PLEKHH2: variants seen among roughly 807,000 people sequenced by gnomAD.
PLEKHH2 encodes pleckstrin homology, MyTH4 and FERM domain containing H2.
A neutral mutation model predicts 187.9 loss-of-function variants in PLEKHH2; 129 were observed. That is an observed-to-expected ratio of 0.69 (90% CI 0.59 to 0.79). PLEKHH2 has a LOEUF of 0.79. Among genes scored for constraint, PLEKHH2 ranks in the 30% least tolerant of loss-of-function variants. The pLI, the probability that PLEKHH2 is intolerant of heterozygous loss-of-function variation, is 0.00. For synonymous variants in PLEKHH2, 686 were observed against 605.6 expected (o/e 1.13, Z -1.95); for missense variants, 2,076 against 1,751.2 (o/e 1.19, Z -3.31).
intron 1 of PLEKHH2, among the ~76,000 whole-genome samples, chr2:43,639,098 G>A (rs1435859013): frequency 6.6e-6 from 1 of 152,050 alleles, no homozygotes; most frequent in Non-Finnish European, 1.5e-5. Flanking sequence ...TTCATATTTG[G>A]GGTTAACAGT....
chr2:43,739,709 C>G (rs1452488415), intron 20 of PLEKHH2, among the ~76,000 whole-genome samples: 1 of 152,242 alleles, frequency 6.6e-6, no homozygotes, highest in Non-Finnish European at 1.5e-5. Flanking sequence ...CCCGCTCTTT[C>G]TCCACTTCCT....
chr2:43,710,084 G>T lies in PLEKHH2; in HGVS notation c.2061G>T (p.Lys687Asn). ...CGGAGTACTCACAGCCAGAGCAGAA[G>T]CTCCCAAAAACTTGCTCATCTTCCA... ...TDTEYSQPEQKLPKTCSSSSD... is the reference protein window; with the variant it reads ...TDTEYSQPEQNLPKTCSSSSD... Residue 687 changes from lysine to asparagine, a missense_variant, in exon 12 of 30, where the codon AAG (lysine) becomes AAT (asparagine). Transcript: ENST00000282406. 6.2e-7 allele frequency: 1 copy of T among 1,613,370 alleles called. No individual in the cohort carries two copies. Among genetic ancestry groups the T allele is most frequent in the Non-Finnish European group, 8.5e-7 (1 of 1,179,762 alleles).
At position 43,712,305 on chromosome 2, in the gene PLEKHH2, T is replaced by C. The variant is rs1411225239; in HGVS notation, c.2382T>C (p.Asn794=). 1 of 1,613,886 alleles carries C rather than the reference T, an allele frequency of 6.2e-7. No individual in the cohort carries two copies. The highest frequency in any genetic ancestry group is 1.7e-5 in the Admixed American group (1 of 60,016). Residue 794 remains asparagine, a synonymous_variant, in exon 15 of 30, where the codon AAT becomes AAC. Transcript: ENST00000282406. ...ILEEWIKVLQ[N]VLRVQAANPL... is the part of the protein sequence containing the mutation. ...AAGAGTGGATTAAAGTGTTACAGAA[T>C]GTTCTTCGAGTACAAGCTGCCAACC...
intron 8 of PLEKHH2, among the ~76,000 whole-genome samples, chr2:43,702,548 T>TTTTTTTG (rs1351716132): frequency 6.7e-6 from 1 of 149,544 alleles, no homozygotes; most frequent in Non-Finnish European, 1.5e-5. Flanking sequence ...TTTTTTTTTT[T>TTTTTTTG]TCCATTCTGT....
chr2:43,765,640 G>C lies in PLEKHH2; in HGVS notation c.*42G>C. The C allele has an allele frequency of 6.3e-7, 1 of 1,587,250 alleles. No homozygotes were observed. The highest frequency in any genetic ancestry group is 8.6e-7 in the Non-Finnish European group (1 of 1,167,196). ...ACATTCACTCCTTGTCCTCCATGCT[G>C]TGGCTGTATCAGCTCCCTACAAGTT... is the stretch of plus-strand genomic sequence containing the variant. On this transcript the variant is annotated 3_prime_UTR_variant, in exon 30 of 30. Transcript: ENST00000282406.
intron 24 of PLEKHH2, among the ~76,000 whole-genome samples, chr2:43,751,337 A>G (rs1242567282): frequency 6.6e-6 from 1 of 152,232 alleles, no homozygotes; most frequent in Non-Finnish European, 1.5e-5. Flanking sequence ...GAGTATAACC[A>G]GTAGACCATG....
chr2:43,744,172 C>A, intron 23 of PLEKHH2, 183 bp downstream of exon 23: 1 of 1,278,328 alleles, frequency 7.8e-7, no homozygotes, highest in Non-Finnish European at 1.0e-6. Flanking sequence ...TCTTAATACA[C>A]AATCTCTACA....
intron 16 of PLEKHH2, among the ~76,000 whole-genome samples, chr2:43,723,282 AT>A (rs1670571355): frequency 6.6e-6 from 1 of 152,210 alleles, no homozygotes; most frequent in African/African-American, 2.4e-5. Flanking sequence ...TTAAATTCAC[AT>A]TAAGACAGAT....
chr2:43,653,440 C>T (rs767192357), intron 2 of PLEKHH2, among the ~76,000 whole-genome samples: 5 of 152,066 alleles, frequency 3.3e-5, no homozygotes, highest in Admixed American at 1.3e-4. Flanking sequence ...GCACCGAGGC[C>T]AATTATGAAT....
chr2:43,731,686 T>C (rs1217402901), intron 19 of PLEKHH2, 84 bp downstream of exon 19: 3 of 952,942 alleles, frequency 3.1e-6, no homozygotes, highest in African/African-American at 1.7e-5. Flanking sequence ...AAAAATAACA[T>C]TTTGGGTTAC....
chr2:43,735,295 A>G (rs575498314), intron 19 of PLEKHH2, among the ~76,000 whole-genome samples: 1 of 152,338 alleles, frequency 6.6e-6, no homozygotes, highest in South Asian at 2.1e-4. Context: ...ACTGGAGAAC[A>G]TTATATTAAG....
chr2:43,735,289 G>C (rs990535538), intron 19 of PLEKHH2, among the ~76,000 whole-genome samples: 5 of 152,152 alleles, frequency 3.3e-5, no homozygotes, highest in African/African-American at 1.2e-4. Context: ...GATGGAACTG[G>C]AGAACATTAT....
chr2:43,638,779 G>GA (rs1703236771), intron 1 of PLEKHH2, among the ~76,000 whole-genome samples: 1 of 151,050 alleles, frequency 6.6e-6, no homozygotes, highest in Admixed American at 6.6e-5. Flanking sequence ...AACTACCCAA[G>GA]ATGGTGCACT....
At chr2:43,642,074 A>G (rs1665966449) in intron 1 of PLEKHH2, among the ~76,000 whole-genome samples, 1 of 152,218 alleles carries the variant, frequency 6.6e-6, no homozygotes, top group Non-Finnish European at 1.5e-5. Flanking sequence ...AAGTATTGCC[A>G]TCTTCACAAT....
At chr2:43,681,532 T>G in intron 3 of PLEKHH2, 1 of 1,485,586 alleles carries the variant, frequency 6.7e-7, no homozygotes, top group Non-Finnish European at 9.2e-7. Flanking sequence ...GAAATGTGCT[T>G]TGCGTATGCA....
At chr2:43,689,366 A>T (rs1176523311) in intron 3 of PLEKHH2, among the ~76,000 whole-genome samples, 2 of 152,260 alleles carry the variant, frequency 1.3e-5, no homozygotes, top group Non-Finnish European at 1.5e-5. Context: ...ACTGGAGGCT[A>T]TCCGTGTATA....
At chr2:43,686,513 T>C (rs975465573) in intron 3 of PLEKHH2, among the ~76,000 whole-genome samples, 5 of 152,206 alleles carry the variant, frequency 3.3e-5, no homozygotes, top group Non-Finnish European at 5.9e-5. Context: ...CATTTTTGAC[T>C]CTTAATAAAT....
At chr2:43,741,610 T>C (rs1260081731) in intron 21 of PLEKHH2, among the ~76,000 whole-genome samples, 5 of 152,214 alleles carry the variant, frequency 3.3e-5, no homozygotes, top group African/African-American at 1.2e-4. Flanking sequence ...CTTAAACTCT[T>C]GGACTAAAGC....
intron 1 of PLEKHH2, among the ~76,000 whole-genome samples, 180 bp from the exon 2 acceptor site, chr2:43,644,491 A>G (rs943751759): frequency 8.5e-5 from 13 of 152,136 alleles, no homozygotes; most frequent in African/African-American, 2.9e-4. Context: ...AGTTCTTTCC[A>G]TAAGTTCTCA....
Sources: allele counts gnomAD v4.1 joint callset (sites outside exome capture counted in the v4.1 genomes callset), GRCh38; gene constraint gnomAD v4.1.1; transcripts MANE v1.5; gene names NCBI Gene and HGNC (gene_info 2026-07-23, HGNC 2026-07-21).